Variants in TCEA3 observed in about 807,000 individuals in gnomAD.
The protein encoded by TCEA3 is transcription elongation factor A protein 3.
TCEA3 carries 36 observed loss-of-function variants against 44.0 expected under a neutral mutation model. The observed-to-expected ratio is 0.82, with a 90% CI of 0.63 to 1.08. TCEA3 has a LOEUF of 1.08. TCEA3 is among the 50% of genes least tolerant of loss of function. TCEA3 has a pLI of 0.00. For missense variants in TCEA3, 392 were observed against 441.2 expected, an observed-to-expected ratio of 0.89 and a Z score of 1.00; for synonymous variants, 162 against 159.7, an observed-to-expected ratio of 1.01 and a Z score of -0.11.
At chr1:23,416,680 C>T (rs1219554115) in intron 4 of TCEA3, among the ~76,000 whole-genome samples, 1 of 151,700 alleles carries the variant, frequency 6.6e-6, no homozygotes, top group Non-Finnish European at 1.5e-5. Flanking sequence ...TTTGTAGAGG[C>T]GGAGTTTTGC....
At chr1:23,387,227 C>T in intron 9 of TCEA3, 46 bp downstream of exon 9, 1 of 1,602,746 alleles carries the variant, frequency 6.2e-7, no homozygotes. Flanking sequence ...ACCTCTATGC[C>T]CCTGCGGCCT....
intron 5 of TCEA3, among the ~76,000 whole-genome samples, chr1:23,398,946 T>C (rs1639300021): frequency 6.6e-6 from 1 of 151,116 alleles, no homozygotes; most frequent in Non-Finnish European, 1.5e-5. Flanking sequence ...TTTACCTTTT[T>C]TTGCAGAGAT....
intron 7 of TCEA3, among the ~76,000 whole-genome samples, chr1:23,395,118 T>C (rs1034406265): frequency 6.6e-6 from 1 of 152,238 alleles, no homozygotes; most frequent in African/African-American, 2.4e-5. Context: ...TATTCTTTCT[T>C]TTTTCTGTTA....
At chr1:23,396,315 C>T (rs529945846) in intron 7 of TCEA3, among the ~76,000 whole-genome samples, 6 of 152,122 alleles carry the variant, frequency 3.9e-5, no homozygotes, top group Non-Finnish European at 8.8e-5. Context: ...ACTGTCTCCC[C>T]GCTCCAATAC....
In TCEA3 at chr1:23,397,845, TC is replaced by T; in HGVS notation, c.553del (p.Asp185ThrfsTer15). On this transcript the variant is annotated frameshift_variant, in exon 6 of 11. Coordinates refer to ENST00000450454, the MANE Select transcript of TCEA3 (RefSeq NM_003196.3). LOFTEE classifies it high-confidence loss of function. ...CLLAPCYLTGDSVRDKCVEML... is the reference protein window; with the variant it reads ...CLLAPCYLTGXSVRDKCVEML... ...CTCCACACACTTGTCCCGGACAGAG[TC>T]CCCTGTGAGATAGCAGGGGGCCAGG... 6.2e-7 allele frequency: 1 copy of T among 1,613,704 alleles called. No individual in the cohort carries two copies. The highest frequency in any genetic ancestry group is 8.5e-7 in the Non-Finnish European group (1 of 1,179,854).
rs973486134 is a variant in TCEA3, at chr1:23,397,895, G to C, written c.504C>G (p.Pro168=). ...GGAGACACATGGAAGAGGCAAACGT[G>C]GGGGTCAAGGGGCTGCTAGGTGTTT... ...SPKTPSSPLT[P]TFASSMCLLA... The change falls in exon 6 of 11, where the codon CCC becomes CCG. Residue 168 remains proline (P), a synonymous_variant. Coordinates refer to ENST00000450454, the MANE Select transcript of TCEA3 (RefSeq NM_003196.3). 1 of 1,613,808 alleles carries C rather than the reference G, an allele frequency of 6.2e-7. No homozygotes were observed. Among genetic ancestry groups the C allele is most frequent in the Non-Finnish European group, 8.5e-7 (1 of 1,179,830 alleles).
chr1:23,386,400 G>A (rs1638836128), intron 9 of TCEA3, among the ~76,000 whole-genome samples: 1 of 152,050 alleles, frequency 6.6e-6, no homozygotes, highest in Non-Finnish European at 1.5e-5. Flanking sequence ...ACCAAGCCTG[G>A]CTAATTTTTG....
intron 5 of TCEA3, among the ~76,000 whole-genome samples, chr1:23,404,343 G>T (rs1267786582): frequency 6.6e-6 from 1 of 151,648 alleles, no homozygotes; most frequent in African/African-American, 2.4e-5. Flanking sequence ...TGCTTGAAAT[G>T]ACTCTCCTGA....
intron 5 of TCEA3, 125 bp from the exon 6 acceptor site, chr1:23,398,080 T>C: frequency 1.7e-6 from 2 of 1,158,110 alleles, no homozygotes; most frequent in South Asian, 1.4e-5. Flanking sequence ...AGGTAGGTAC[T>C]ATTTTAGGCA....
intron 5 of TCEA3, among the ~76,000 whole-genome samples, chr1:23,404,328 C>T (rs1475470599): frequency 6.6e-6 from 1 of 151,892 alleles, no homozygotes; most frequent in Non-Finnish European, 1.5e-5. Context: ...TGTGCCATTT[C>T]TTTCTGCTTG....
intron 5 of TCEA3, among the ~76,000 whole-genome samples, chr1:23,408,150 C>G (rs1425187797): frequency 6.6e-6 from 1 of 151,952 alleles, no homozygotes; most frequent in African/African-American, 2.4e-5. Flanking sequence ...TTAGTAGAGG[C>G]GGGGTTTTGC....
Position 23,403,860 on chromosome 1 carries a change from G to C in TCEA3, c.443+4804C>G, listed in dbSNP as rs973227095. The C allele has an allele frequency of 1.6e-5, 8 of 512,108 alleles. No homozygotes were observed. The East Asian group carries it at 2.5e-4, about 16-fold the overall frequency. 31.7% of individuals were successfully genotyped at this position (512,108 alleles called of 1,614,324 possible). A position where few individuals can be genotyped will look rare whatever the true frequency, so the allele number is the denominator to read the frequency against. On this transcript the variant is annotated intron_variant, in intron 5 of 10. Coordinates refer to ENST00000450454, the MANE Select transcript of TCEA3 (RefSeq NM_003196.3). The stretch of plus-strand genomic sequence containing the variant: ...CACCCAGCCCTGGTCCCGCCTCCCC[G>C]GTTAGGAGCTGGCTGGCTGGCTGGA...
chr1:23,389,453 C>T (rs1056114935), intron 8 of TCEA3, among the ~76,000 whole-genome samples: 10 of 149,850 alleles, frequency 6.7e-5, no homozygotes, highest in Admixed American at 2.7e-4. Context: ...TGCACCATTG[C>T]ACTCCCGCCT....
rs1442574923 is a variant in TCEA3 at position 23,393,811 on chromosome 1, C to T, written c.819+68G>A. On this transcript the variant is annotated intron_variant, in intron 8 of 10. Transcript: ENST00000450454. ...CTGCTGATGAGTCACGAGCCACTGA[C>T]CCTCTGCACTAGGCAGGGCTAGGGG... 3.9e-6 allele frequency: 6 copies of T among 1,557,084 alleles called. No homozygotes were observed. In the East Asian group the frequency reaches 1.1e-4, roughly 30 times the overall value.
intron 4 of TCEA3, among the ~76,000 whole-genome samples, chr1:23,416,211 G>A (rs1639885122): frequency 6.6e-6 from 1 of 151,890 alleles, no homozygotes; most frequent in Non-Finnish European, 1.5e-5. Flanking sequence ...TCTCCATGTT[G>A]GTCAGGCTGG....
rs754419567 is a variant in TCEA3, at chr1:23,419,064, AC to A, written c.132+12del. On this transcript the variant is annotated intron_variant, in intron 2 of 10. Coordinates refer to ENST00000450454, the MANE Select transcript of TCEA3 (RefSeq NM_003196.3). ...CCCAGGCACTGTCCCAAGGCTTCCCACCCCCGCCCCACCTGTAGTAGCTGGA... is the reference window on the plus strand; with the variant it reads ...CCCAGGCACTGTCCCAAGGCTTCCCACCCCGCCCCACCTGTAGTAGCTGGA... 1.1e-5 allele frequency: 6 copies of A among 526,758 alleles called. No individual in the cohort carries two copies. Among genetic ancestry groups the A allele is most frequent in the Non-Finnish European group, 1.6e-5 (6 of 380,634 alleles). The allele number at this position is 526,758 out of a possible 1,614,324, so 32.6% of individuals were successfully genotyped here. A position where few individuals can be genotyped will look rare whatever the true frequency, so the allele number is the denominator to read the frequency against.
chr1:23,387,327 G>A lies in TCEA3; in HGVS notation c.912C>T (p.Thr304=), dbSNP rs774596528. Residue 304 remains threonine, a synonymous_variant, in exon 9 of 11, where the codon ACC becomes ACT. Transcript: ENST00000450454. ...ATTTGCTGCACTGGAAGAGGTCAGTGGTGGTGCCGCCAGTCTTGGCCATCT... is the reference window on the plus strand; with the variant it reads ...ATTTGCTGCACTGGAAGAGGTCAGTAGTGGTGCCGCCAGTCTTGGCCATCT... ...EHQMAKTGGT[T]TDLFQCSKCK... 6.2e-7 allele frequency: 1 copy of A among 1,613,938 alleles called. No individual in the cohort carries two copies. The highest frequency in any genetic ancestry group is 2.2e-5 in the East Asian group (1 of 44,882).
intron 5 of TCEA3, among the ~76,000 whole-genome samples, chr1:23,405,028 C>T (rs774450125): frequency 6.6e-6 from 1 of 152,064 alleles, no homozygotes; most frequent in Non-Finnish European, 1.5e-5. Flanking sequence ...AATTGGAAGA[C>T]ATGGCACCCT....
At chr1:23,417,837 C>A in intron 3 of TCEA3, 67 bp downstream of exon 3, 2 of 1,449,728 alleles carry the variant, frequency 1.4e-6, no homozygotes, top group Non-Finnish European at 9.7e-7. Flanking sequence ...TGGCTATGAG[C>A]CAGGCCCAGT....
Sources: allele counts gnomAD v4.1 joint callset (sites outside exome capture counted in the v4.1 genomes callset), GRCh38; gene constraint gnomAD v4.1.1; transcripts MANE v1.5; gene names NCBI Gene and HGNC (gene_info 2026-07-23, HGNC 2026-07-21).